CCT4: variants seen among roughly 807,000 people sequenced by gnomAD.
CCT4 encodes the protein chaperonin containing TCP1 subunit 4.
Under a neutral mutation model 62.5 loss-of-function variants are expected in CCT4, and 17 were observed. That is an observed-to-expected ratio of 0.27 (90% confidence interval 0.19 to 0.41). CCT4 has a LOEUF of 0.41. CCT4 is among the 10% of genes least tolerant of loss of function. The pLI is 1.00. For missense variants in CCT4, 592 were observed against 659.2 expected (o/e 0.90, Z 1.12); for synonymous variants, 250 against 229.9 (o/e 1.09, Z -0.79).
chr2:61,887,861 C>G (rs1009620486), intron 1 of CCT4: 2 of 152,392 alleles, frequency 1.3e-5, no homozygotes, highest in African/African-American at 4.8e-5. Context: ...ATTTCAAACA[C>G]GACACGTAAG....
At chr2:61,883,239 T>C (rs941543792) in intron 3 of CCT4, among the ~76,000 whole-genome samples, 2 of 152,052 alleles carry the variant, frequency 1.3e-5, no homozygotes, top group Non-Finnish European at 2.9e-5. Flanking sequence ...CTGACCAACA[T>C]GGTGAAACCC....
chr2:61,884,945 T>C, intron 2 of CCT4, 75 bp downstream of exon 2: 1 of 1,301,898 alleles, frequency 7.7e-7, no homozygotes, highest in South Asian at 1.3e-5. Flanking sequence ...AAACAGCACA[T>C]CTAACCCTTC....
At chr2:61,871,371 C>T (rs1668880870) in intron 12 of CCT4, among the ~76,000 whole-genome samples, 1 of 152,072 alleles carries the variant, frequency 6.6e-6, no homozygotes, top group South Asian at 2.1e-4. Context: ...TCTTTCCAAC[C>T]TTAAAGCCCA....
chr2:61,874,613 A>T (rs1653324947), intron 8 of CCT4, among the ~76,000 whole-genome samples: 1 of 143,260 alleles, frequency 7.0e-6, no homozygotes, highest in Non-Finnish European at 1.5e-5. Context: ...TGTGTCTCCA[A>T]AAAAAAAAAA....
intron 8 of CCT4, among the ~76,000 whole-genome samples, chr2:61,873,689 C>T (rs1668933915): frequency 1.3e-5 from 2 of 152,052 alleles, no homozygotes; most frequent in South Asian, 4.1e-4. Context: ...CCTCAGCCTC[C>T]CAAGTGGCTG....
chr2:61,875,441 G>A (rs1391760551), intron 8 of CCT4, among the ~76,000 whole-genome samples: 2 of 151,870 alleles, frequency 1.3e-5, no homozygotes, highest in African/African-American at 4.8e-5. Flanking sequence ...TTAGCCAGGT[G>A]TGGTGGCACG....
At chr2:61,869,188 T>G (rs1488525403) in intron 13 of CCT4, among the ~76,000 whole-genome samples, 1 of 129,494 alleles carries the variant, frequency 7.7e-6, no homozygotes, top group South Asian at 2.5e-4. Context: ...AAAAAAACAA[T>G]GGCCAGGTGT....
intron 8 of CCT4, among the ~76,000 whole-genome samples, chr2:61,875,451 G>A (rs999824668): frequency 2.6e-5 from 4 of 151,048 alleles, no homozygotes; most frequent in African/African-American, 9.7e-5. Flanking sequence ...GTGGTGGCAC[G>A]TGCCTGCAGT....
At chr2:61,882,809 C>CTTT (rs35514799) in intron 3 of CCT4, among the ~76,000 whole-genome samples, 1 of 146,346 alleles carries the variant, frequency 6.8e-6, no homozygotes. Context: ...CTGTGCCCAG[C>CTTT]TTTTTTTTTT....
At chr2:61,877,696 G>A (rs1259236159) in intron 5 of CCT4, among the ~76,000 whole-genome samples, 182 bp from the exon 6 acceptor site, 2 of 151,958 alleles carry the variant, frequency 1.3e-5, no homozygotes, top group East Asian at 3.8e-4. Context: ...TGTCACCAGG[G>A]GCACAAAATA....
intron 3 of CCT4, among the ~76,000 whole-genome samples, chr2:61,880,802 C>T (rs1669095829): frequency 6.6e-6 from 1 of 152,086 alleles, no homozygotes; most frequent in South Asian, 2.1e-4. Flanking sequence ...ACCTCCTGGG[C>T]TCAAGAGATC....
intron 3 of CCT4, among the ~76,000 whole-genome samples, chr2:61,881,903 C>T (rs1463066048): frequency 6.7e-6 from 1 of 149,688 alleles, no homozygotes; most frequent in Non-Finnish European, 1.5e-5. Context: ...GCCATCTTTA[C>T]ACAACTCAGA....
intron 1 of CCT4, among the ~76,000 whole-genome samples, chr2:61,887,099 TG>T (rs933460384): frequency 1.3e-5 from 2 of 152,174 alleles, no homozygotes; most frequent in African/African-American, 4.8e-5. Flanking sequence ...ATCTAATAAA[TG>T]TAAGCTTCAA....
In CCT4 at chr2:61,873,376, T is replaced by G. The variant is rs1572916133; in HGVS notation, c.918-83A>C. 14 of 652,412 alleles carry G rather than the reference T, an allele frequency of 2.1e-5. No homozygotes were observed. The East Asian group carries it at 3.3e-4, about 15-fold the overall frequency. 40.4% of individuals were successfully genotyped at this position (652,412 alleles called of 1,614,324 possible). ...AATGCCTTTAAGGTTTTAATTACTG[T>G]TTCTTAAATGGCCAATCATTATTTC... On this transcript the variant is annotated intron_variant, in intron 8 of 13. Transcript: ENST00000394440.
chr2:61,875,562 G>A (rs1487785884), intron 8 of CCT4, among the ~76,000 whole-genome samples: 3 of 136,662 alleles, frequency 2.2e-5, no homozygotes, highest in East Asian at 4.3e-4. Context: ...CAGCCTGGAT[G>A]ACAGAGTGAG....
In CCT4 at chr2:61,876,998, C is replaced by A. The variant is rs749289993; in HGVS notation, c.699G>T (p.Val233=). The A allele has an allele frequency of 1.9e-6, 3 of 1,613,580 alleles. No individual in the cohort carries two copies. Among genetic ancestry groups the A allele is most frequent in the African/African-American group, 1.3e-5 (1 of 74,906 alleles). The stretch of plus-strand genomic sequence containing the variant: ...CAACTCTGGTTATGCCAGAATTTGA[C>A]ACTTTTTGGGTGAGAACCAGCCCTT... ...LVEGLVLTQK[V]SNSGITRVEK... is the part of the protein sequence containing the mutation. The change falls in exon 7 of 14, where the codon GTG becomes GTT. Residue 233 remains valine, a synonymous_variant. Transcript: ENST00000394440.
At chr2:61,881,936 CTTTTT>C in intron 3 of CCT4, among the ~76,000 whole-genome samples, 1 of 141,810 alleles carries the variant, frequency 7.1e-6, no homozygotes, top group Middle Eastern at 3.6e-3. Flanking sequence ...ATAGAAGTTC[CTTTTT>C]TTTTTTTTTG....
intron 13 of CCT4, 142 bp downstream of exon 13, chr2:61,869,298 T>C (rs1668835845): frequency 1.7e-6 from 1 of 604,542 alleles, no homozygotes; most frequent in South Asian, 1.9e-5. Flanking sequence ...ACTGTGCTAC[T>C]GTGCTCCAGC....
intron 1 of CCT4, among the ~76,000 whole-genome samples, chr2:61,886,419 AAACAAACCAAACCT>A (rs982627374): frequency 8.5e-5 from 13 of 152,222 alleles, no homozygotes; most frequent in African/African-American, 2.7e-4. Context: ...CCATCTCAAC[AAACAAACCAAACCT>A]AACAAACCAA....
Sources: gnomAD v4.1 joint callset for allele counts (sites outside exome capture counted in the v4.1 genomes callset) on GRCh38, gnomAD v4.1.1 for gene constraint, MANE v1.5 for transcripts, NCBI Gene and HGNC (gene_info 2026-07-23, HGNC 2026-07-21) for gene names.